The following ZNF429 variants were observed in gnomAD, a reference collection of about 807,000 sequenced individuals.
ZNF429 encodes the protein zinc finger protein 429.
In ZNF429, 53 loss-of-function variants were observed where a neutral mutation model predicts 56.8. The ratio of observed to expected loss-of-function variants is 0.93; its 90% CI spans 0.75 to 1.17. The LOEUF (loss-of-function observed/expected upper bound fraction) is 1.17, where lower values mean the gene tolerates loss of function less well. Ranked by LOEUF, ZNF429 falls within the 50% of genes most tolerant of loss-of-function variation. The pLI is 0.00. For missense variants in ZNF429, 849 were observed against 788.4 expected, an observed-to-expected ratio of 1.08 and a Z score of -0.92; for synonymous variants, 278 against 264.7, an observed-to-expected ratio of 1.05 and a Z score of -0.49.
intron 3 of ZNF429, 87 bp from the exon 4 acceptor site, chr19:21,536,192 GT>G: frequency 2.2e-6 from 3 of 1,371,812 alleles, no homozygotes; most frequent in Non-Finnish European, 2.9e-6. Flanking sequence ...TGCTTACGTA[GT>G]TTTTATAACT....
intron 3 of ZNF429, among the ~76,000 whole-genome samples, chr19:21,535,507 C>CTTTCT: frequency 1.1e-5 from 1 of 88,394 alleles, no homozygotes; most frequent in African/African-American, 4.7e-5. Context: ...TTCTTTCTTT[C>CTTTCT]TTTCTTTCCT....
At chr19:21,515,656 G>A (rs2032705309) in intron 1 of ZNF429, among the ~76,000 whole-genome samples, 1 of 151,550 alleles carries the variant, frequency 6.6e-6, no homozygotes. Flanking sequence ...AATTGCTTTT[G>A]GTATCTTCAT....
Position 21,505,750 on chromosome 19 carries a change from A to C in ZNF429, c.-22A>C, listed in dbSNP as rs1383080450. On this transcript the variant is annotated 5_prime_UTR_variant, in exon 1 of 4. Transcript: ENST00000358491. The stretch of plus-strand genomic sequence containing the variant: ...TTGGGAGATACACAGCTAAGACTCC[A>C]GGACCCCCTGGAAGCCTAGAAATGG... The C allele has an allele frequency of 1.2e-6, 2 of 1,609,716 alleles. No homozygotes were observed.
rs535945068 is a variant in ZNF429, at chr19:21,536,987, C to A, written c.934C>A (p.Pro312Thr). The A allele has an allele frequency of 1.2e-6, 2 of 1,613,852 alleles. No homozygotes were observed. Among genetic ancestry groups the A allele is most frequent in the South Asian group, 2.2e-5 (2 of 91,074 alleles). Residue 312 changes from proline (P) to threonine (T), a missense_variant, in exon 4 of 4, where the codon CCC (proline) becomes ACC (threonine). Transcript: ENST00000358491. Reference sequence around the variant, plus strand: ...TAAGATAATTCATACTGAAGAGAAACCCTACAAATGTAAAGAATGTGGCAA... The same window carrying A: ...TAAGATAATTCATACTGAAGAGAAAACCTACAAATGTAAAGAATGTGGCAA... The part of the protein sequence containing the change: ...KHKIIHTEEK[P>T]YKCKECGKAF...
At position 21,538,013 on chromosome 19, in the gene ZNF429, C is replaced by T. The variant is rs756460217; in HGVS notation, c.1960C>T (p.Pro654Ser). The stretch of plus-strand genomic sequence containing the variant: ...GGGTGTGGTGGCTCATGCCTGTAAT[C>T]CCAGCACTTTGGGAGGCAGAGGTGG... ...RMGVVAHACNPSTLGGRGGRI... is the reference protein window; with the variant it reads ...RMGVVAHACNSSTLGGRGGRI... Residue 654 changes from proline to serine, a missense_variant, in exon 4 of 4, where the codon CCC becomes TCC. Transcript: ENST00000358491. 6 of 1,611,890 alleles carry T rather than the reference C, an allele frequency of 3.7e-6. No homozygotes were observed. The highest frequency in any genetic ancestry group is 5.1e-6 in the Non-Finnish European group (6 of 1,178,728).
At chr19:21,514,429 C>A (rs992068333) in intron 1 of ZNF429, among the ~76,000 whole-genome samples, 7 of 151,934 alleles carry the variant, frequency 4.6e-5, no homozygotes, top group African/African-American at 1.7e-4. Context: ...TGAGAACATG[C>A]ATTTGGTTTC....
chr19:21,537,879 C>T lies in ZNF429; in HGVS notation c.1826C>T (p.Thr609Ile), dbSNP rs767274576. The change falls in exon 4 of 4, where the codon ACT becomes ATT. Residue 609 changes from threonine to isoleucine, a missense_variant. Transcript: ENST00000358491. ...GKAFNRSSRL[T>I]QHKKIHTREK... ...GCTTTTAATCGGTCCTCAAGACTTA[C>T]TCAACATAAGAAAATTCATACTAGA... 1.9e-6 allele frequency: 3 copies of T among 1,613,936 alleles called. No individual in the cohort carries two copies. The highest frequency in any genetic ancestry group is 3.3e-5 in the Admixed American group (2 of 59,970).
intron 1 of ZNF429, among the ~76,000 whole-genome samples, chr19:21,516,807 T>C (rs1182422329): frequency 2.0e-5 from 3 of 152,230 alleles, no homozygotes; most frequent in African/African-American, 7.2e-5. Flanking sequence ...CCTGAAACTT[T>C]GCTGAAGTTG....
At chr19:21,535,424 CTTTCTTTCTT>C in intron 3 of ZNF429, among the ~76,000 whole-genome samples, 1 of 4,552 alleles carries the variant, frequency 2.2e-4, no homozygotes, top group African/African-American at 1.1e-3. Flanking sequence ...TTCTTTCTTT[CTTTCTTTCTT>C]TCTTTCTTTC....
At position 21,540,637 on chromosome 19, in the gene ZNF429, A is replaced by G. The variant is rs958769669; in HGVS notation, c.*2559A>G. The stretch of plus-strand genomic sequence containing the variant: ...CTTTGTGGTATAAAAATTTATATAT[A>G]AGTATAAATAAACTCATTTCTGAGT... On this transcript the variant is annotated 3_prime_UTR_variant, in exon 4 of 4. Transcript: ENST00000358491. Among the ~76,000 whole-genome samples the G allele has an allele frequency of 1.5e-4, 23 of 151,660 alleles. No homozygotes were observed. Among genetic ancestry groups the G allele is most frequent in the Non-Finnish European group, 3.1e-4 (21 of 67,888 alleles).
In ZNF429 at chr19:21,511,247, C is replaced by T. The variant is rs571648844; in HGVS notation, c.3+5473C>T. ...TCCCTCCCGGACGGGGCGGCTGGCC[C>T]GGTGGGGGGCTGACCCCCACCTCCC... On this transcript the variant is annotated intron_variant, in intron 1 of 3. Coordinates refer to ENST00000358491, the MANE Select transcript of ZNF429 (RefSeq NM_001001415.4). 3.2e-4 allele frequency among the ~76,000 whole-genome samples: 48 copies of T among 151,546 alleles called. No homozygotes were observed. The South Asian group carries it at 7.7e-3, about 24-fold the overall frequency.
Position 21,529,684 on chromosome 19 carries a change from C to T in ZNF429, c.30C>T (p.Ala10=), listed in dbSNP as rs2033300822. MGPLTFTDV[A]IEFSLEEWQC... ...GACCATTGACATTTACAGATGTGGC[C>T]ATAGAATTCTCTCTGGAGGAGTGGC... is the stretch of plus-strand genomic sequence containing the variant. The change falls in exon 2 of 4, where the codon GCC becomes GCT. Residue 10 remains alanine (A), a synonymous_variant. Coordinates refer to ENST00000358491, the MANE Select transcript of ZNF429 (RefSeq NM_001001415.4). 6.3e-7 allele frequency: 1 copy of T among 1,594,334 alleles called. No individual in the cohort carries two copies.
intron 1 of ZNF429, chr19:21,505,992 G>C (rs1243220250): frequency 2.2e-6 from 1 of 462,408 alleles, no homozygotes; most frequent in African/African-American, 2.0e-5. Flanking sequence ...CAGTGACTGT[G>C]CCTGACGTGT....
At position 21,535,461 on chromosome 19, in the gene ZNF429, TTTC is replaced by T; in HGVS notation, c.227-816_227-814del. 6.2e-3 allele frequency among the ~76,000 whole-genome samples: 520 copies of T among 84,066 alleles called. 43 individuals carry two copies. The highest frequency in any genetic ancestry group is 7.3e-3 in the Non-Finnish European group (301 of 41,142). The allele number at this position is 84,066 out of a possible 152,430, so 55.2% of individuals were successfully genotyped here. ...CTTTCTTTCTTTCTTTCTTTCTTTC[TTTC>T]TTTCTTTCTTTCTTTCTTTCTTTCT... On this transcript the variant is annotated intron_variant, in intron 3 of 3. Transcript: ENST00000358491.
At chr19:21,512,526 T>C (rs1230137435) in intron 1 of ZNF429, among the ~76,000 whole-genome samples, 1 of 151,804 alleles carries the variant, frequency 6.6e-6, no homozygotes, top group Non-Finnish European at 1.5e-5. Flanking sequence ...TAGCTGGGCA[T>C]GGTGGCGGGC....
chr19:21,517,733 A>G (rs2032814940), intron 1 of ZNF429, among the ~76,000 whole-genome samples: 1 of 150,966 alleles, frequency 6.6e-6, no homozygotes, highest in African/African-American at 2.4e-5. Flanking sequence ...AGATGTTTAT[A>G]GTAGACTTCA....
At chr19:21,506,439 C>CAAAAAA (rs368469112) in intron 1 of ZNF429, among the ~76,000 whole-genome samples, 1 of 41,484 alleles carries the variant, frequency 2.4e-5, no homozygotes, top group Non-Finnish European at 4.2e-5. Flanking sequence ...GAGACTATCT[C>CAAAAAA]AAACAAAAAA....
chr19:21,511,076 G>A (rs867676413), intron 1 of ZNF429, among the ~76,000 whole-genome samples: 5 of 152,142 alleles, frequency 3.3e-5, no homozygotes, highest in Admixed American at 1.3e-4. Flanking sequence ...ATCATGACCC[G>A]TTCTCAATGA....
chr19:21,510,421 G>C (rs115172982), intron 1 of ZNF429, among the ~76,000 whole-genome samples: 274 of 152,148 alleles, frequency 1.8e-3, no homozygotes, highest in African/African-American at 6.3e-3. Flanking sequence ...TCCAAGATAG[G>C]GTTCTTTGAT....
Sources: gnomAD v4.1 joint callset for allele counts (sites outside exome capture counted in the v4.1 genomes callset) on GRCh38, gnomAD v4.1.1 for gene constraint, MANE v1.5 for transcripts, NCBI Gene and HGNC (gene_info 2026-07-23, HGNC 2026-07-21) for gene names.